The following SCAPER variants were observed in gnomAD, a reference collection of about 807,000 sequenced individuals.
SCAPER encodes S-phase cyclin A associated protein in the ER, also known as S phase cyclin A-associated protein in the endoplasmic reticulum.
In SCAPER, 98 loss-of-function variants were observed where a neutral mutation model predicts 182.2. The observed-to-expected ratio is 0.54, with a 90% CI of 0.46 to 0.64. SCAPER has a LOEUF of 0.64. SCAPER is among the 30% of genes least tolerant of loss of function. The pLI, the probability that SCAPER is intolerant of heterozygous loss-of-function variation, is 0.00. For missense variants in SCAPER, 1,432 were observed against 1,690.0 expected (o/e 0.85, Z 2.68); for synonymous variants, 605 against 564.6 (o/e 1.07, Z -1.01).
intron 25 of SCAPER, among the ~76,000 whole-genome samples, chr15:76,439,809 T>G (rs1311375954): frequency 6.6e-6 from 1 of 152,246 alleles, no homozygotes; most frequent in Non-Finnish European, 1.5e-5. Flanking sequence ...CCTGCTGGTA[T>G]GTACCAAGCC....
rs529619956 is a variant in SCAPER, at chr15:76,881,292, C to A, written c.6+2520G>T. On this transcript the variant is annotated intron_variant, in intron 2 of 31. Transcript: ENST00000563290. ...TGTATTTTTAGTAGAGCCAGGGTTT[C>A]GCCATGTTGGCCAAGCTGGTCTCAA... 3.3e-5 allele frequency among the ~76,000 whole-genome samples: 5 copies of A among 152,274 alleles called. No individual in the cohort carries two copies. The South Asian group carries it at 6.2e-4, about 19-fold the overall frequency.
intron 22 of SCAPER, among the ~76,000 whole-genome samples, chr15:76,612,016 T>A (rs1206614855): frequency 6.6e-6 from 1 of 152,002 alleles, no homozygotes; most frequent in South Asian, 2.1e-4. Flanking sequence ...TGGAAGCATA[T>A]CCCTTGAAAG....
chr15:76,367,299 A>G (rs1596316022), intron 29 of SCAPER, among the ~76,000 whole-genome samples: 1 of 152,202 alleles, frequency 6.6e-6, no homozygotes, highest in East Asian at 1.9e-4. Context: ...GGTCTTATAT[A>G]AAATCTCCTA....
chr15:76,662,931 C>A (rs950614417), intron 21 of SCAPER, among the ~76,000 whole-genome samples: 2 of 151,564 alleles, frequency 1.3e-5, no homozygotes, highest in African/African-American at 4.8e-5. Flanking sequence ...CCAGAAAGCA[C>A]TAGACATAAA....
chr15:76,519,673 T>C (rs908475813), intron 23 of SCAPER, among the ~76,000 whole-genome samples: 5 of 152,192 alleles, frequency 3.3e-5, no homozygotes, highest in Admixed American at 2.0e-4. Context: ...CCTCCTCTTA[T>C]CCTCTTGATG....
At chr15:76,677,361 G>A (rs1013054939) in intron 20 of SCAPER, among the ~76,000 whole-genome samples, 2 of 151,990 alleles carry the variant, frequency 1.3e-5, no homozygotes, top group Non-Finnish European at 1.5e-5. Context: ...GCTTGATGCA[G>A]TAGAAGGAGC....
At chr15:76,481,506 T>C (rs886067788) in intron 24 of SCAPER, among the ~76,000 whole-genome samples, 2 of 152,234 alleles carry the variant, frequency 1.3e-5, no homozygotes, top group Non-Finnish European at 2.9e-5. Flanking sequence ...TATATGCATA[T>C]ATATATTTTT....
At chr15:76,605,864 G>T (rs575243175) in intron 22 of SCAPER, among the ~76,000 whole-genome samples, 1 of 152,252 alleles carries the variant, frequency 6.6e-6, no homozygotes, top group South Asian at 2.1e-4. Context: ...GGGATAGGTG[G>T]TGATATCCCC....
intron 10 of SCAPER, among the ~76,000 whole-genome samples, chr15:76,768,499 G>T (rs1299334246): frequency 6.6e-6 from 1 of 152,122 alleles, no homozygotes; most frequent in Non-Finnish European, 1.5e-5. Flanking sequence ...AAATTATATA[G>T]AGAGAAAGCA....
chr15:76,693,661 T>C (rs548638191), intron 20 of SCAPER, among the ~76,000 whole-genome samples: 18 of 152,268 alleles, frequency 1.2e-4, no homozygotes, highest in Non-Finnish European at 1.8e-4. Context: ...TGGAATATTA[T>C]TCAGCCCTTT....
chr15:76,692,029 T>C (rs911031224), intron 20 of SCAPER, among the ~76,000 whole-genome samples: 2 of 152,118 alleles, frequency 1.3e-5, no homozygotes, highest in African/African-American at 4.8e-5. Flanking sequence ...TTTCTTATAC[T>C]AAAAAGAGTC....
intron 21 of SCAPER, among the ~76,000 whole-genome samples, chr15:76,648,477 G>A (rs1352320613): frequency 1.3e-5 from 2 of 152,100 alleles, no homozygotes; most frequent in Non-Finnish European, 2.9e-5. Flanking sequence ...AAGAAACAAT[G>A]GCTAAAATTT....
At chr15:76,666,206 C>T (rs2056564632) in intron 20 of SCAPER, among the ~76,000 whole-genome samples, 2 of 152,128 alleles carry the variant, frequency 1.3e-5, no homozygotes, top group South Asian at 2.1e-4. Context: ...CAAGGAAGCA[C>T]CATATCTGCT....
intron 26 of SCAPER, among the ~76,000 whole-genome samples, chr15:76,419,729 A>G (rs2045899627): frequency 6.6e-6 from 1 of 152,188 alleles, no homozygotes; most frequent in African/African-American, 2.4e-5. Flanking sequence ...TCAAAAAAAA[A>G]GAACTAATAC....
intron 2 of SCAPER, among the ~76,000 whole-genome samples, chr15:76,875,161 T>C (rs1217818627): frequency 6.6e-6 from 1 of 152,156 alleles, no homozygotes; most frequent in Non-Finnish European, 1.5e-5. Context: ...ACTGGTAAAT[T>C]ATCCTAATCA....
At chr15:76,690,677 G>C (rs537924744) in intron 20 of SCAPER, among the ~76,000 whole-genome samples, 2 of 151,970 alleles carry the variant, frequency 1.3e-5, no homozygotes, top group African/African-American at 2.4e-5. Context: ...AAGTTCACTA[G>C]AAAAGAAAAG....
chr15:76,371,311 C>T (rs2042154281), intron 29 of SCAPER, among the ~76,000 whole-genome samples: 1 of 150,796 alleles, frequency 6.6e-6, no homozygotes, highest in Non-Finnish European at 1.5e-5. Flanking sequence ...TAATATTTCT[C>T]TCTCTCTCTT....
intron 1 of SCAPER, among the ~76,000 whole-genome samples, chr15:76,902,956 G>GA (rs1187331108): frequency 1.3e-5 from 2 of 151,990 alleles, no homozygotes; most frequent in African/African-American, 4.8e-5. Context: ...AGCTACTCAG[G>GA]AAGCTGAGGC....
At chr15:76,631,378 A>G (rs1273306662) in intron 21 of SCAPER, among the ~76,000 whole-genome samples, 2 of 152,174 alleles carry the variant, frequency 1.3e-5, no homozygotes, top group Non-Finnish European at 2.9e-5. Flanking sequence ...TAGTTGCTTC[A>G]TAATGTCACT....
Sources: gnomAD v4.1 joint callset for allele counts (sites outside exome capture counted in the v4.1 genomes callset) on GRCh38, gnomAD v4.1.1 for gene constraint, MANE v1.5 for transcripts, NCBI Gene and HGNC (gene_info 2026-07-23, HGNC 2026-07-21) for gene names.